The following FREM2 variants were observed in gnomAD, a reference collection of about 807,000 sequenced individuals.
FREM2 encodes FRAS1 related extracellular matrix 2.
FREM2 carries 119 observed loss-of-function variants against 219.9 expected under a neutral mutation model. The ratio of observed to expected loss-of-function variants is 0.54; its 90% CI spans 0.47 to 0.63. FREM2 has a LOEUF of 0.63. Ranked by LOEUF, FREM2 falls within the 30% of genes least tolerant of loss-of-function variation. The probability of loss-of-function intolerance (pLI) is 0.00; values close to 1 mark genes in which losing one functional copy is unlikely to be tolerated. For missense variants in FREM2, 4,030 were observed against 3,993.6 expected (o/e 1.01, Z -0.25); for synonymous variants, 1,562 against 1,522.8 (o/e 1.03, Z -0.60).
intron 2 of FREM2, among the ~76,000 whole-genome samples, chr13:38,713,383 A>G (rs1220004737): frequency 6.6e-6 from 1 of 152,210 alleles, no homozygotes; most frequent in Non-Finnish European, 1.5e-5. Context: ...CAAGGACTAT[A>G]TGGCACAAGA....
At chr13:38,878,756 A>C (rs1379910706) in intron 22 of FREM2, 75 bp from the exon 23 acceptor site, 6 of 1,406,026 alleles carry the variant, frequency 4.3e-6, no homozygotes, top group Non-Finnish European at 6.1e-6. Flanking sequence ...GCACAAAACA[A>C]ATAGAGAAAC....
At chr13:38,741,303 T>C (rs1288024480) in intron 2 of FREM2, among the ~76,000 whole-genome samples, 4 of 152,104 alleles carry the variant, frequency 2.6e-5, no homozygotes, top group Non-Finnish European at 4.4e-5. Flanking sequence ...TTCAGAAATA[T>C]GAAGTTGAGT....
chr13:38,775,766 A>G (rs1028196661), intron 4 of FREM2, among the ~76,000 whole-genome samples: 1 of 152,092 alleles, frequency 6.6e-6, no homozygotes, highest in Non-Finnish European at 1.5e-5. Context: ...TTACAGGTGC[A>G]CACCACCATA....
rs1239111468 is a variant in FREM2 at position 38,850,231 on chromosome 13, C to G, written c.6573C>G (p.Leu2191=). The G allele has an allele frequency of 2.5e-6, 4 of 1,613,470 alleles. No homozygotes were observed. In the Admixed American group the frequency reaches 6.7e-5, roughly 27 times the overall value. ...PNTDTSIITF[L]PGETEKPCIL... is the part of the protein sequence containing the mutation. ...CTGATACCTCCATCATCACATTCCT[C>G]CCTGGTAAGCTTGAACTTGAAATTT... is the stretch of plus-strand genomic sequence containing the variant. The change falls in exon 9 of 24, where the codon CTC becomes CTG. Residue 2191 remains leucine, a synonymous_variant. Coordinates refer to ENST00000280481, the MANE Select transcript of FREM2 (RefSeq NM_207361.6).
intron 6 of FREM2, among the ~76,000 whole-genome samples, chr13:38,815,095 G>C (rs1340461121): frequency 6.6e-6 from 1 of 152,148 alleles, no homozygotes; most frequent in Non-Finnish European, 1.5e-5. Flanking sequence ...TTTGGCTCTT[G>C]TGGTGGTGCT....
intron 2 of FREM2, among the ~76,000 whole-genome samples, chr13:38,757,135 A>G (rs1873042069): frequency 2.6e-5 from 4 of 152,222 alleles, no homozygotes; most frequent in Admixed American, 2.6e-4. Context: ...AGTCTTTTGC[A>G]TAGTAGATGA....
chr13:38,781,785 A>C (rs1306827471), intron 4 of FREM2, among the ~76,000 whole-genome samples: 1 of 152,188 alleles, frequency 6.6e-6, no homozygotes, highest in Non-Finnish European at 1.5e-5. Context: ...ATACCTAGGC[A>C]TGGTAAAATG....
intron 2 of FREM2, among the ~76,000 whole-genome samples, chr13:38,727,713 G>T (rs958979011): frequency 6.6e-6 from 1 of 152,196 alleles, no homozygotes; most frequent in Non-Finnish European, 1.5e-5. Context: ...AAGTATCTAC[G>T]CAGTAAGTGT....
In FREM2 at chr13:38,881,094, T is replaced by C. The variant is rs1593462369; in HGVS notation, c.*307T>C. ...TCTCTATGCAGTGGAGATAAATCTA[T>C]TAAAAGGTGCTAACAGACTCTCTTA... On this transcript the variant is annotated 3_prime_UTR_variant, in exon 24 of 24. Transcript: ENST00000280481. 1 of 429,896 alleles carries C rather than the reference T, an allele frequency of 2.3e-6. No individual in the cohort carries two copies. Among genetic ancestry groups the C allele is most frequent in the Non-Finnish European group, 4.3e-6 (1 of 230,318 alleles). The allele number at this position is 429,896 out of a possible 1,614,324, so 26.6% of individuals were successfully genotyped here. A position where few individuals can be genotyped will look rare whatever the true frequency, so the allele number is the denominator to read the frequency against.
At chr13:38,758,031 A>G (rs1873082242) in intron 2 of FREM2, among the ~76,000 whole-genome samples, 1 of 152,224 alleles carries the variant, frequency 6.6e-6, no homozygotes, top group Non-Finnish European at 1.5e-5. Context: ...TATCATAAGC[A>G]GCAATTCTTG....
chr13:38,720,864 TACA>T (rs1871207764), intron 2 of FREM2, among the ~76,000 whole-genome samples: 2 of 152,296 alleles, frequency 1.3e-5, no homozygotes, highest in East Asian at 1.9e-4. Context: ...TGGAGTTCGG[TACA>T]ACAAGTTCTA....
rs755029984 is a variant in FREM2 at position 38,689,436 on chromosome 13, C to T, written c.2092C>T (p.Arg698Cys). 6.2e-6 allele frequency: 10 copies of T among 1,613,818 alleles called. No homozygotes were observed. Among genetic ancestry groups the T allele is most frequent in the East Asian group, 2.2e-5 (1 of 44,882 alleles). Reference sequence around the variant, plus strand: ...TGTGATTCGTATCCATCCTGTGGATCGCCTCCCTCCGGAGCTGGGCAGTGG... The same window carrying T: ...TGTGATTCGTATCCATCCTGTGGATTGCCTCCCTCCGGAGCTGGGCAGTGG... ...RFVIRIHPVD[R>C]LPPELGSGCP... The change falls in exon 1 of 24, where the codon CGC becomes TGC. Residue 698 changes from arginine to cysteine, a missense_variant. This residue lies in a region of FREM2 where 3,102 missense variants were observed against 2,950.7 expected (regional missense o/e 1.05). Transcript: ENST00000280481.
At chr13:38,770,190 C>T (rs1873605470) in intron 4 of FREM2, among the ~76,000 whole-genome samples, 1 of 147,384 alleles carries the variant, frequency 6.8e-6, no homozygotes, top group Admixed American at 6.8e-5. Context: ...AAATTATTTA[C>T]ATATTTATAT....
At chr13:38,731,164 C>T (rs917994279) in intron 2 of FREM2, among the ~76,000 whole-genome samples, 6 of 152,090 alleles carry the variant, frequency 3.9e-5, no homozygotes, top group African/African-American at 1.4e-4. Flanking sequence ...TCAGACATTG[C>T]AAAGTCTATG....
At chr13:38,758,907 C>T (rs901213938) in intron 2 of FREM2, among the ~76,000 whole-genome samples, 1 of 152,168 alleles carries the variant, frequency 6.6e-6, no homozygotes, top group Non-Finnish European at 1.5e-5. Flanking sequence ...GTGGCTTACA[C>T]CTATAGTCCC....
At chr13:38,823,246 T>C (rs768440938) in intron 6 of FREM2, among the ~76,000 whole-genome samples, 6 of 152,108 alleles carry the variant, frequency 3.9e-5, no homozygotes, top group Middle Eastern at 3.4e-3. Flanking sequence ...CAAACGAACT[T>C]CCTATCTTGC....
chr13:38,787,150 TGGTAAATTTG>T (rs1046157993), intron 6 of FREM2, among the ~76,000 whole-genome samples: 2 of 152,182 alleles, frequency 1.3e-5, no homozygotes, highest in Non-Finnish European at 2.9e-5. Flanking sequence ...AACACAGGGC[TGGTAAATTTG>T]GGTGCCATGG....
At position 38,813,442 on chromosome 13, in the gene FREM2, G is replaced by A. The variant is rs116801417; in HGVS notation, c.6019+28634G>A. On this transcript the variant is annotated intron_variant, in intron 6 of 23. Transcript: ENST00000280481. ...AAAGTCTGCTGCCAGGCATATTGCAGCTTTATTATATGTTATTTGTTTTCT... is the reference window on the plus strand; with the variant it reads ...AAAGTCTGCTGCCAGGCATATTGCAACTTTATTATATGTTATTTGTTTTCT... 6.4e-3 allele frequency among the ~76,000 whole-genome samples: 859 copies of A among 133,252 alleles called. 10 individuals carry two copies. The highest frequency in any genetic ancestry group is 0.023 in the African/African-American group (815 of 35,914). 87.4% of individuals were successfully genotyped at this position (133,252 alleles called of 152,430 possible).
intron 2 of FREM2, among the ~76,000 whole-genome samples, chr13:38,749,917 C>T (rs1167855186): frequency 6.6e-6 from 1 of 152,112 alleles, no homozygotes; most frequent in Non-Finnish European, 1.5e-5. Context: ...AAAAATGCCA[C>T]CTGCATTTTA....
Sources: allele counts gnomAD v4.1 joint callset (sites outside exome capture counted in the v4.1 genomes callset), GRCh38; gene constraint gnomAD v4.1.1; regional missense constraint gnomAD v4.1.1; transcripts MANE v1.5; gene names NCBI Gene and HGNC (gene_info 2026-07-23, HGNC 2026-07-21).